ANKRD36: variants seen among roughly 807,000 people sequenced by gnomAD.
The protein encoded by ANKRD36 is ankyrin repeat domain 36.
ANKRD36 carries 179 observed loss-of-function variants against 278.1 expected under a neutral mutation model. The observed-to-expected ratio is 0.64, with a 90% CI of 0.57 to 0.73. The LOEUF (loss-of-function observed/expected upper bound fraction) is 0.73. Ranked by LOEUF, ANKRD36 falls within the 30% of genes least tolerant of loss-of-function variation. ANKRD36 has a pLI of 0.00. For missense variants in ANKRD36, 1,159 were observed against 1,956.7 expected (o/e 0.59, Z 7.69); for synonymous variants, 320 against 641.1 (o/e 0.50, Z 7.57).
intron 30 of ANKRD36, among the ~76,000 whole-genome samples, chr2:97,186,266 A>G (rs1365325671): frequency 1.3e-5 from 2 of 151,380 alleles, no homozygotes; most frequent in African/African-American, 4.9e-5. Flanking sequence ...CTTTCATCAA[A>G]GAGCTATCTC....
chr2:97,137,245 C>T (rs2041754892), intron 6 of ANKRD36, among the ~76,000 whole-genome samples: 1 of 151,898 alleles, frequency 6.6e-6, no homozygotes, highest in Non-Finnish European at 1.5e-5. Flanking sequence ...CTCCTGGGTT[C>T]AAGCGATTCT....
intron 26 of ANKRD36, among the ~76,000 whole-genome samples, chr2:97,182,086 C>G (rs558892400): frequency 3.2e-4 from 49 of 151,184 alleles, no homozygotes; most frequent in Middle Eastern, 6.8e-3. Flanking sequence ...ATGTTTTCAC[C>G]AAGGGAGGAA....
intron 66 of ANKRD36, among the ~76,000 whole-genome samples, chr2:97,222,478 C>A (rs1298096618): frequency 6.6e-6 from 1 of 152,108 alleles, no homozygotes; most frequent in Non-Finnish European, 1.5e-5. Context: ...TCCACATCCT[C>A]ACCAGCATTT....
At chr2:97,125,414 T>G (rs2442285) in intron 5 of ANKRD36, among the ~76,000 whole-genome samples, 112,820 of 114,350 alleles carry the variant, frequency 0.99, 55,697 homozygotes, top group Middle Eastern at 1. Context: ...CTCAAAACCT[T>G]ATGTAAAGCC....
chr2:97,123,229 A>G (rs888200231), intron 4 of ANKRD36, among the ~76,000 whole-genome samples: 1 of 151,084 alleles, frequency 6.6e-6, no homozygotes, highest in South Asian at 2.1e-4. Context: ...ATACACATAA[A>G]AGGCTTCTAT....
intron 46 of ANKRD36, among the ~76,000 whole-genome samples, chr2:97,201,955 A>C (rs1161982658): frequency 1.3e-5 from 2 of 151,852 alleles, no homozygotes; most frequent in Admixed American, 1.3e-4. Context: ...ACATGGTTTT[A>C]TTTTAGTTTT....
intron 17 of ANKRD36, among the ~76,000 whole-genome samples, chr2:97,159,126 A>G (rs1477023786): frequency 6.6e-6 from 1 of 152,050 alleles, no homozygotes; most frequent in Non-Finnish European, 1.5e-5. Context: ...GAATGTCTCC[A>G]TATCAAATTA....
intron 56 of ANKRD36, among the ~76,000 whole-genome samples, chr2:97,211,269 G>T (rs1363199457): frequency 1.3e-5 from 2 of 151,894 alleles, no homozygotes; most frequent in Admixed American, 6.6e-5. Flanking sequence ...TCATCACCCG[G>T]CATATCGACA....
intron 48 of ANKRD36, among the ~76,000 whole-genome samples, chr2:97,202,633 T>TG (rs1332434648): frequency 6.6e-6 from 1 of 151,834 alleles, no homozygotes; most frequent in African/African-American, 2.4e-5. Flanking sequence ...GGAGAGCAGT[T>TG]GAAGACATAA....
intron 52 of ANKRD36, among the ~76,000 whole-genome samples, chr2:97,206,898 CT>C (rs2063008445): frequency 1.3e-5 from 2 of 151,434 alleles, no homozygotes; most frequent in South Asian, 4.2e-4. Context: ...GGAGCCACCT[CT>C]TGGATACAAT....
intron 34 of ANKRD36, 66 bp from the exon 35 acceptor site, chr2:97,190,912 G>A (rs2058375099): frequency 3.8e-6 from 6 of 1,580,266 alleles, no homozygotes; most frequent in Non-Finnish European, 5.2e-6. Context: ...CTAACACTGT[G>A]TGAATGTATG....
chr2:97,157,709 A>G (rs2047837789), intron 15 of ANKRD36, among the ~76,000 whole-genome samples: 1 of 147,038 alleles, frequency 6.8e-6, no homozygotes, highest in African/African-American at 2.5e-5. Flanking sequence ...GCAGAAAGTA[A>G]TTCACACAAA....
chr2:97,179,973 G>A lies in ANKRD36; in HGVS notation c.1735+40G>A, dbSNP rs760943488. On this transcript the variant is annotated intron_variant, in intron 24 of 75. Coordinates refer to ENST00000420699, the MANE Select transcript of ANKRD36 (RefSeq NM_001354587.1). ...CACATCTAATGTCATGTTCAATCAA[G>A]ATGGAAGAGAACTTCCCTTACCCAA... The A allele has an allele frequency of 4.4e-6, 7 of 1,601,152 alleles. No individual in the cohort carries two copies. In the South Asian group the frequency reaches 6.6e-5, roughly 15 times the overall value.
At position 97,124,591 on chromosome 2, in the gene ANKRD36, A is replaced by G. The variant is rs548013553; in HGVS notation, c.725A>G (p.Asn242Ser). Residue 242 changes from asparagine (N) to serine (S), a missense_variant, in exon 5 of 76, where the codon AAT (asparagine) becomes AGT (serine). Physicochemically the swap from Asn to Ser is conservative, Grantham distance 46. Coordinates refer to ENST00000420699, the MANE Select transcript of ANKRD36 (RefSeq NM_001354587.1). ...IAGDYAIEAK[N>S]RVIFDLIYEY... ...GGAGATTATGCCATTGAGGCTAAGA[A>G]TAGAGTGTAAGTCTTTACATAAAAA... 62 of 1,551,162 alleles carry G rather than the reference A, an allele frequency of 4.0e-5. 1 individual carries two copies. The South Asian group carries it at 6.8e-4, about 17-fold the overall frequency.
intron 10 of ANKRD36, among the ~76,000 whole-genome samples, chr2:97,146,091 C>T (rs751421544): frequency 4.3e-4 from 66 of 152,120 alleles, no homozygotes; most frequent in Non-Finnish European, 8.5e-4. Context: ...GTCTCAGTCT[C>T]CTGAGTAGCT....
chr2:97,177,978 C>G (rs1211901765), intron 22 of ANKRD36, among the ~76,000 whole-genome samples: 2 of 148,230 alleles, frequency 1.3e-5, no homozygotes, highest in African/African-American at 4.9e-5. Context: ...AACAAATTTA[C>G]AAGAAAAAAA....
intron 20 of ANKRD36, among the ~76,000 whole-genome samples, chr2:97,167,058 G>A (rs1183658161): frequency 6.6e-6 from 1 of 151,816 alleles, no homozygotes; most frequent in Non-Finnish European, 1.5e-5. Flanking sequence ...GGTATTTGGA[G>A]TGTAATGTAT....
intron 12 of ANKRD36, among the ~76,000 whole-genome samples, chr2:97,151,243 T>C (rs1201165350): frequency 6.6e-6 from 1 of 152,016 alleles, no homozygotes. Flanking sequence ...TCAGGATACT[T>C]AGTTACAGCT....
intron 1 of ANKRD36, among the ~76,000 whole-genome samples, chr2:97,115,386 C>T (rs2034990341): frequency 6.6e-6 from 1 of 151,918 alleles, no homozygotes; most frequent in African/African-American, 2.4e-5. Flanking sequence ...CACAAGCACA[C>T]ATTCTGAAGG....
Sources: allele counts gnomAD v4.1 joint callset (sites outside exome capture counted in the v4.1 genomes callset), GRCh38; gene constraint gnomAD v4.1.1; transcripts MANE v1.5; gene names NCBI Gene and HGNC (gene_info 2026-07-23, HGNC 2026-07-21).